JPH1: variants seen among roughly 807,000 people sequenced by gnomAD.
JPH1 encodes the protein junctophilin 1, also known as junctophilin-1.
Under a neutral mutation model 53.6 loss-of-function variants are expected in JPH1, and 12 were observed. The ratio of observed to expected loss-of-function variants is 0.22; its 90% CI spans 0.14 to 0.36. The LOEUF is 0.36. Among genes scored for constraint, JPH1 ranks in the 10% least tolerant of loss-of-function variants. JPH1 has a pLI of 1.00. For synonymous variants in JPH1, 375 were observed against 363.8 expected (o/e 1.03, Z -0.35); for missense variants, 808 against 905.5 (o/e 0.89, Z 1.38).
In JPH1 at chr8:74,293,243, C is replaced by G. The variant is rs553576650; in HGVS notation, c.1139+21618G>C. ...TTCACAAAAGCCTTGGATAATGCCT[C>G]AAAGACACTATTATATCCTTGGATA... On this transcript the variant is annotated intron_variant, in intron 2 of 5. Coordinates refer to ENST00000342232, the MANE Select transcript of JPH1 (RefSeq NM_020647.4). 5.9e-5 allele frequency among the ~76,000 whole-genome samples: 9 copies of G among 152,240 alleles called. No homozygotes were observed. The South Asian group carries it at 1.2e-3, about 21-fold the overall frequency.
At chr8:74,298,437 T>A (rs1807582027) in intron 2 of JPH1, among the ~76,000 whole-genome samples, 1 of 152,228 alleles carries the variant, frequency 6.6e-6, no homozygotes, top group Non-Finnish European at 1.5e-5. Context: ...CTGCTTGCAA[T>A]CTACCTTGAG....
At chr8:74,314,829 C>T (rs776382627) in intron 2 of JPH1, 32 bp downstream of exon 2, 1 of 1,611,884 alleles carries the variant, frequency 6.2e-7, no homozygotes, top group Non-Finnish European at 8.5e-7. Flanking sequence ...TCTGACCAAC[C>T]CAGCAAAACC....
Position 74,244,781 on chromosome 8 carries a change from G to T in JPH1, c.1653C>A (p.His551Gln). 1 of 1,614,214 alleles carries T rather than the reference G, an allele frequency of 6.2e-7. No individual in the cohort carries two copies. Among genetic ancestry groups the T allele is most frequent in the Non-Finnish European group, 8.5e-7 (1 of 1,180,044 alleles). The change falls in exon 4 of 6, where the codon CAC becomes CAA. Residue 551 changes from histidine to glutamine, a missense_variant. Coordinates refer to ENST00000342232, the MANE Select transcript of JPH1 (RefSeq NM_020647.4). ...GGGCGTTCAGCTTCACGTAGTAGCC[G>T]TGATACTGAGAATGCAGCTCCCCGT... Reference protein sequence around the residue: ...PSNGELHSQYHGYYVKLNAPQ... With the variant: ...PSNGELHSQYQGYYVKLNAPQ...
intron 2 of JPH1, among the ~76,000 whole-genome samples, chr8:74,294,204 G>C (rs932725385): frequency 1.6e-4 from 25 of 152,214 alleles, no homozygotes; most frequent in Admixed American, 3.3e-4. Flanking sequence ...TCTGTAGCCT[G>C]ATTTCTTCTC....
At chr8:74,304,004 G>T (rs950161741) in intron 2 of JPH1, among the ~76,000 whole-genome samples, 3 of 152,114 alleles carry the variant, frequency 2.0e-5, no homozygotes, top group Non-Finnish European at 4.4e-5. Flanking sequence ...AAATACACAT[G>T]GTCCACTGTC....
At chr8:74,269,114 G>A (rs987474873) in intron 2 of JPH1, among the ~76,000 whole-genome samples, 8 of 152,172 alleles carry the variant, frequency 5.3e-5, no homozygotes, top group African/African-American at 1.9e-4. Context: ...TGGTTCTCTA[G>A]AAATCTCAAA....
At chr8:74,280,824 T>C (rs1447395404) in intron 2 of JPH1, among the ~76,000 whole-genome samples, 1 of 152,220 alleles carries the variant, frequency 6.6e-6, no homozygotes, top group African/African-American at 2.4e-5. Context: ...TGCCTTGCAA[T>C]TACGGAGCAT....
intron 2 of JPH1, among the ~76,000 whole-genome samples, chr8:74,267,542 G>C (rs1217830176): frequency 6.6e-6 from 1 of 152,106 alleles, no homozygotes; most frequent in African/African-American, 2.4e-5. Flanking sequence ...AGAAGGTGAG[G>C]GCTAGGGAAA....
At chr8:74,259,611 C>T (rs991092845) in intron 2 of JPH1, 108 bp from the exon 3 acceptor site, 24 of 861,236 alleles carry the variant, frequency 2.8e-5, no homozygotes, top group African/African-American at 5.2e-5. Context: ...GATTATGGCC[C>T]GACACCCACA....
intron 2 of JPH1, among the ~76,000 whole-genome samples, chr8:74,312,020 G>A (rs1007768974): frequency 1.3e-5 from 2 of 152,104 alleles, no homozygotes; most frequent in Non-Finnish European, 2.9e-5. Context: ...ATTATAAGGG[G>A]AATGTCATTC....
intron 2 of JPH1, among the ~76,000 whole-genome samples, chr8:74,307,621 A>G (rs915111150): frequency 3.3e-5 from 5 of 152,258 alleles, no homozygotes; most frequent in Admixed American, 6.5e-5. Flanking sequence ...TATTCATTAA[A>G]ATGACTCAGA....
At chr8:74,279,427 A>C (rs1806944713) in intron 2 of JPH1, among the ~76,000 whole-genome samples, 2 of 152,192 alleles carry the variant, frequency 1.3e-5, no homozygotes, top group Non-Finnish European at 2.9e-5. Flanking sequence ...GCTTAGTCCT[A>C]AAACCAGGGC....
In JPH1 at chr8:74,236,615, A is replaced by G. The variant is rs1198741407; in HGVS notation, c.*436T>C. The G allele has an allele frequency of 6.6e-6, 1 of 152,076 alleles. No individual in the cohort carries two copies. The highest frequency in any genetic ancestry group is 1.5e-5 in the Non-Finnish European group (1 of 67,968). The allele number at this position is 152,076 out of a possible 1,614,324, so 9.4% of individuals were successfully genotyped here. On this transcript the variant is annotated 3_prime_UTR_variant, in exon 6 of 6. Coordinates refer to ENST00000342232, the MANE Select transcript of JPH1 (RefSeq NM_020647.4). ...GTCGTTTCCCCAGCTCCCTACTAAA[A>G]ACGTCAGATGGTAAAATAGTAAGGC...
At chr8:74,253,667 G>T (rs1199086957) in intron 3 of JPH1, among the ~76,000 whole-genome samples, 3 of 152,086 alleles carry the variant, frequency 2.0e-5, no homozygotes, top group African/African-American at 7.3e-5. Flanking sequence ...AAGAAGAAAA[G>T]AGAGAAGAAT....
At chr8:74,263,725 A>G (rs1325164651) in intron 2 of JPH1, among the ~76,000 whole-genome samples, 1 of 152,192 alleles carries the variant, frequency 6.6e-6, no homozygotes. Flanking sequence ...CCTCTCTGCC[A>G]TTTTATTTCC....
Position 74,244,913 on chromosome 8 carries a change from C to T in JPH1, c.1521G>A (p.Thr507=), listed in dbSNP as rs773323471. The T allele has an allele frequency of 2.3e-5, 37 of 1,614,138 alleles. No homozygotes were observed. Among genetic ancestry groups the T allele is most frequent in the Non-Finnish European group, 2.8e-5 (33 of 1,180,046 alleles). ...DKRSVADEQV[T]AIVNKPLMSK... ...ACATCAAGGGCTTATTGACAATGGC[C>T]GTCACCTGCTCATCAGCCACACTCC... Residue 507 remains threonine (T), a synonymous_variant, in exon 4 of 6, where the codon ACG becomes ACA. Transcript: ENST00000342232.
chr8:74,255,644 C>G (rs184223628), intron 3 of JPH1, among the ~76,000 whole-genome samples: 1 of 152,124 alleles, frequency 6.6e-6, no homozygotes, highest in South Asian at 2.1e-4. Context: ...GCAACCTACT[C>G]ATCTGACAAA....
rs973846045 is a variant in JPH1, at chr8:74,250,043, TCAGCC to T, written c.1259-4873_1259-4869del. Among the ~76,000 whole-genome samples, 4 of 152,216 alleles carry T rather than the reference TCAGCC, an allele frequency of 2.6e-5. No homozygotes were observed. In the East Asian group the frequency reaches 5.8e-4, roughly 22 times the overall value. On this transcript the variant is annotated intron_variant, in intron 3 of 5. Transcript: ENST00000342232. ...GTGTTTTAATTTCTTTAACTCATGCTCAGCCCCTGCCTCCATCAATAAATACAAAA... is the reference window on the plus strand; with the variant it reads ...GTGTTTTAATTTCTTTAACTCATGCTCCTGCCTCCATCAATAAATACAAAA...
chr8:74,293,895 G>A (rs773713289), intron 2 of JPH1, among the ~76,000 whole-genome samples: 20 of 152,162 alleles, frequency 1.3e-4, no homozygotes, highest in Non-Finnish European at 2.1e-4. Flanking sequence ...CAAAGACACC[G>A]GGGGCCAATT....
Sources: gnomAD v4.1 joint callset for allele counts (sites outside exome capture counted in the v4.1 genomes callset) on GRCh38, gnomAD v4.1.1 for gene constraint, MANE v1.5 for transcripts, NCBI Gene and HGNC (gene_info 2026-07-23, HGNC 2026-07-21) for gene names.